CENPQ: variants seen among roughly 807,000 people sequenced by gnomAD.
The protein encoded by CENPQ is centromere protein Q, also known as chromosome 6 open reading frame 139.
In CENPQ, 27 loss-of-function variants were observed where a neutral mutation model predicts 36.6. That is an observed-to-expected ratio of 0.74 (90% CI 0.54 to 1.02). The LOEUF (loss-of-function observed/expected upper bound fraction) is 1.02. Among genes scored for constraint, CENPQ ranks in the 50% least tolerant of loss-of-function variants. The pLI is 0.00. For synonymous variants in CENPQ, 101 were observed against 101.7 expected, an observed-to-expected ratio of 0.99 and a Z score of 0.04; for missense variants, 306 against 301.8, an observed-to-expected ratio of 1.01 and a Z score of -0.10.
chr6:49,466,847 A>G (rs1768011865), intron 1 of CENPQ, among the ~76,000 whole-genome samples: 1 of 152,198 alleles, frequency 6.6e-6, no homozygotes, highest in African/African-American at 2.4e-5. Context: ...TGGCCCAAAG[A>G]TATACAGTTA....
intron 5 of CENPQ, among the ~76,000 whole-genome samples, chr6:49,479,581 C>T (rs532881134): frequency 2.6e-5 from 4 of 152,178 alleles, no homozygotes; most frequent in Admixed American, 1.3e-4. Flanking sequence ...GGCAGATTCT[C>T]AACTTAAAAC....
intron 8 of CENPQ, among the ~76,000 whole-genome samples, chr6:49,490,403 G>C (rs1295678591): frequency 1.3e-5 from 2 of 152,160 alleles, no homozygotes; most frequent in Admixed American, 6.5e-5. Context: ...AAAACAGTTA[G>C]GGCCTTGCTG....
At chr6:49,478,910 G>A (rs1768365437) in intron 5 of CENPQ, among the ~76,000 whole-genome samples, 2 of 152,136 alleles carry the variant, frequency 1.3e-5, no homozygotes, top group Admixed American at 6.6e-5. Context: ...CATGGTTTTA[G>A]TTTCTAAGAG....
In CENPQ at chr6:49,492,351, A is replaced by G; in HGVS notation, c.*76A>G. 1 of 1,309,638 alleles carries G rather than the reference A, an allele frequency of 7.6e-7. No homozygotes were observed. Among genetic ancestry groups the G allele is most frequent in the Non-Finnish European group, 1.0e-6 (1 of 962,980 alleles). The allele number at this position is 1,309,638 out of a possible 1,614,324, so 81.1% of individuals were successfully genotyped here. On this transcript the variant is annotated 3_prime_UTR_variant, in exon 9 of 9. Transcript: ENST00000335783. ...TGTAAAACTGTTAACCTATGATTAT[A>G]TGTACAGAGGCTAAGGCTTCTGCAG...
Position 49,478,062 on chromosome 6 carries a change from G to A in CENPQ, c.348-2889G>A, listed in dbSNP as rs191419620. Among the ~76,000 whole-genome samples, 13 of 152,262 alleles carry A rather than the reference G, an allele frequency of 8.5e-5. No individual in the cohort carries two copies. The East Asian group carries it at 2.5e-3, about 29-fold the overall frequency. On this transcript the variant is annotated intron_variant, in intron 5 of 8. Coordinates refer to ENST00000335783, the MANE Select transcript of CENPQ (RefSeq NM_018132.4). Reference sequence around the variant, plus strand: ...ATGGAGTACATACATTTCAAGGCCTGACTATTTCCTCCTTATTTTTACTTT... The same window carrying A: ...ATGGAGTACATACATTTCAAGGCCTAACTATTTCCTCCTTATTTTTACTTT...
chr6:49,469,059 C>T (rs1468104773), intron 1 of CENPQ, among the ~76,000 whole-genome samples: 5 of 152,286 alleles, frequency 3.3e-5, no homozygotes, highest in African/African-American at 1.2e-4. Context: ...ATTTTGACTT[C>T]CACTGCTTTT....
chr6:49,469,906 G>A (rs1450255267), intron 1 of CENPQ, among the ~76,000 whole-genome samples: 2 of 151,648 alleles, frequency 1.3e-5, no homozygotes, highest in African/African-American at 4.8e-5. Flanking sequence ...CCATACAAAC[G>A]GAAGTTAATT....
chr6:49,483,118 T>C (rs1386189372), intron 6 of CENPQ, among the ~76,000 whole-genome samples: 1 of 152,068 alleles, frequency 6.6e-6, no homozygotes, highest in Non-Finnish European at 1.5e-5. Context: ...AGGGCACTGA[T>C]TGGTGTATTT....
rs1342000624 is a variant in CENPQ, at chr6:49,472,084, TA to T, written c.183del (p.Lys61AsnfsTer27). ...SSEGQTKHTNLKHGKTAASKR... is the reference protein window; with the variant it reads ...SSEGQTKHTNXKHGKTAASKR... ...ACAGGACAAACAAAGCACACTAACC[TA>T]AAACACGGAAAGACAGCAGCCAGCA... On this transcript the variant is annotated frameshift_variant, in exon 4 of 9. Coordinates refer to ENST00000335783, the MANE Select transcript of CENPQ (RefSeq NM_018132.4). LOFTEE classifies it high-confidence loss of function. The T allele has an allele frequency of 1.9e-6, 3 of 1,612,524 alleles. No individual in the cohort carries two copies. The highest frequency in any genetic ancestry group is 2.5e-6 in the Non-Finnish European group (3 of 1,179,246).
At chr6:49,480,610 A>G (rs1768403102) in intron 5 of CENPQ, among the ~76,000 whole-genome samples, 1 of 150,550 alleles carries the variant, frequency 6.6e-6, no homozygotes, top group African/African-American at 2.4e-5. Flanking sequence ...ACAATGTATA[A>G]TAGACTCATG....
intron 5 of CENPQ, among the ~76,000 whole-genome samples, chr6:49,476,438 A>G (rs945765963): frequency 7.9e-5 from 12 of 152,324 alleles, no homozygotes; most frequent in African/African-American, 2.9e-4. Flanking sequence ...TGGATTAAAG[A>G]CTTAAATGTT....
chr6:49,471,924 AAATT>A, intron 3 of CENPQ, 135 bp from the exon 4 acceptor site: 1 of 873,234 alleles, frequency 1.1e-6, no homozygotes, highest in Non-Finnish European at 1.6e-6. Context: ...GATAAAAAGT[AAATT>A]AAACAGTTTA....
intron 8 of CENPQ, among the ~76,000 whole-genome samples, chr6:49,490,862 C>G (rs936085404): frequency 4.6e-5 from 7 of 152,190 alleles, no homozygotes; most frequent in Admixed American, 3.9e-4. Flanking sequence ...ATTCAGTTCA[C>G]TGTTTGATAT....
chr6:49,488,711 A>G (rs747940505), intron 8 of CENPQ, 27 bp downstream of exon 8: 88 of 1,566,200 alleles, frequency 5.6e-5, no homozygotes, highest in Non-Finnish European at 7.2e-5. Flanking sequence ...CATATTGATT[A>G]CAGGCATACT....
At chr6:49,483,586 C>A (rs1489906702) in intron 6 of CENPQ, among the ~76,000 whole-genome samples, 1 of 152,204 alleles carries the variant, frequency 6.6e-6, no homozygotes, top group Non-Finnish European at 1.5e-5. Flanking sequence ...TAAGGCCCAG[C>A]GAGAAATCGA....
chr6:49,482,671 G>T (rs1191020018), intron 6 of CENPQ, among the ~76,000 whole-genome samples: 2 of 151,980 alleles, frequency 1.3e-5, no homozygotes, highest in Non-Finnish European at 2.9e-5. Flanking sequence ...GATTGGCGAT[G>T]GTCTCACCGC....
At chr6:49,464,033 G>C (rs985629479) in intron 1 of CENPQ, among the ~76,000 whole-genome samples, 2 of 151,968 alleles carry the variant, frequency 1.3e-5, no homozygotes, top group Non-Finnish European at 2.9e-5. Context: ...CCTGCCGTCC[G>C]AGTTTTACTG....
intron 1 of CENPQ, among the ~76,000 whole-genome samples, chr6:49,468,418 C>A (rs1768053555): frequency 6.6e-6 from 1 of 151,888 alleles, no homozygotes; most frequent in Non-Finnish European, 1.5e-5. Context: ...CATGGTGAAA[C>A]CCCGTCTCTA....
chr6:49,487,153 C>CA (rs1447745290), intron 6 of CENPQ, among the ~76,000 whole-genome samples: 6 of 680 alleles, frequency 8.8e-3, no homozygotes, highest in African/African-American at 0.012. Context: ...AACTCCATCT[C>CA]AAAAAAAAAA....
Sources: gnomAD v4.1 joint callset for allele counts (sites outside exome capture counted in the v4.1 genomes callset) on GRCh38, gnomAD v4.1.1 for gene constraint, MANE v1.5 for transcripts, NCBI Gene and HGNC (gene_info 2026-07-23, HGNC 2026-07-21) for gene names.